The following PPP1R16B variants were observed in gnomAD, a reference collection of about 807,000 sequenced individuals.
The protein encoded by PPP1R16B is protein phosphatase 1 regulatory inhibitor subunit 16B.
PPP1R16B carries 14 observed loss-of-function variants against 61.7 expected under a neutral mutation model. The observed-to-expected ratio is 0.23, with a 90% CI of 0.15 to 0.35. The LOEUF is 0.35. PPP1R16B is among the 10% of genes least tolerant of loss of function. The pLI is 1.00. For synonymous variants in PPP1R16B, 266 were observed against 305.3 expected (o/e 0.87, Z 1.34); for missense variants, 547 against 752.5 (o/e 0.73, Z 3.19).
intron 1 of PPP1R16B, among the ~76,000 whole-genome samples, chr20:38,831,701 T>G (rs1601241951): frequency 6.6e-6 from 1 of 152,172 alleles, no homozygotes; most frequent in East Asian, 1.9e-4. Context: ...TACCAAGATG[T>G]TCTAAGAAAA....
rs747088066 is a variant in PPP1R16B at position 38,902,744 on chromosome 20, C to T, written c.648C>T (p.Ile216=). 6.4e-5 allele frequency: 104 copies of T among 1,614,114 alleles called. No individual in the cohort carries two copies. Among genetic ancestry groups the T allele is most frequent in the Admixed American group, 1.0e-4 (6 of 60,008 alleles). Residue 216 remains isoleucine, a synonymous_variant, in exon 6 of 11, where the codon ATC becomes ATT. Transcript: ENST00000299824. ...QQMIADIHCM[I]AAGQDLDWID... is the part of the protein sequence containing the mutation. ...TGATTGCGGACATCCACTGCATGATCGCAGCGGGCCAGGACCTGGACTGGA... is the reference window on the plus strand; with the variant it reads ...TGATTGCGGACATCCACTGCATGATTGCAGCGGGCCAGGACCTGGACTGGA...
chr20:38,918,123 AG>A lies in PPP1R16B; in HGVS notation c.1195-33del. 6.2e-7 allele frequency: 1 copy of A among 1,606,248 alleles called. No individual in the cohort carries two copies. The highest frequency in any genetic ancestry group is 8.5e-7 in the Non-Finnish European group (1 of 1,174,194). On this transcript the variant is annotated intron_variant, in intron 10 of 10. Transcript: ENST00000299824. This position sits in a 1 kb window ranked among gnomAD's most constrained non-coding sequence, Gnocchi z 5.3. Reference sequence around the variant, plus strand: ...GGTGGATAGTAGGTTCAGATCTTCCAGCCAGCTGGTAATGTTGTCCTTCTCA... The same window carrying A: ...GGTGGATAGTAGGTTCAGATCTTCCACCAGCTGGTAATGTTGTCCTTCTCA...
chr20:38,808,454 C>T (rs548542540), intron 1 of PPP1R16B, among the ~76,000 whole-genome samples: 10 of 152,272 alleles, frequency 6.6e-5, no homozygotes, highest in African/African-American at 2.4e-4. Context: ...TGGCACTCTT[C>T]CAGCAGAGAC....
intron 4 of PPP1R16B, among the ~76,000 whole-genome samples, chr20:38,897,428 C>T (rs2085358548): frequency 6.6e-6 from 1 of 152,192 alleles, no homozygotes; most frequent in South Asian, 2.1e-4. Context: ...TAGTATGTGT[C>T]AGAGTTTCCT....
chr20:38,885,035 T>TAA (rs1312460653), intron 2 of PPP1R16B, among the ~76,000 whole-genome samples: 1 of 25,808 alleles, frequency 3.9e-5, no homozygotes, highest in African/African-American at 1.8e-4. Flanking sequence ...AAACTCTGTC[T>TAA]CAAAAAAAAA....
At chr20:38,899,041 A>C (rs1377739892) in intron 4 of PPP1R16B, among the ~76,000 whole-genome samples, 2 of 152,186 alleles carry the variant, frequency 1.3e-5, no homozygotes, top group African/African-American at 4.8e-5. Flanking sequence ...ATCTGAGGGC[A>C]AGGAGTCAGA....
intron 1 of PPP1R16B, among the ~76,000 whole-genome samples, chr20:38,815,754 A>T (rs1462205503): frequency 6.6e-6 from 1 of 152,206 alleles, no homozygotes; most frequent in Non-Finnish European, 1.5e-5. Flanking sequence ...GACCCTTTGG[A>T]TTATGCCTAC....
intron 2 of PPP1R16B, among the ~76,000 whole-genome samples, chr20:38,875,866 G>A (rs1158105298): frequency 6.6e-6 from 1 of 151,892 alleles, no homozygotes; most frequent in Non-Finnish European, 1.5e-5. Context: ...TCCCTTCCTG[G>A]CCACGATCCC....
At chr20:38,864,758 G>A (rs193001341) in intron 2 of PPP1R16B, among the ~76,000 whole-genome samples, 11 of 152,332 alleles carry the variant, frequency 7.2e-5, no homozygotes, top group African/African-American at 1.4e-4. Context: ...TGCACAGGGT[G>A]TAGGGCCTAG....
At chr20:38,834,139 G>A (rs1485833798) in intron 1 of PPP1R16B, among the ~76,000 whole-genome samples, 1 of 152,140 alleles carries the variant, frequency 6.6e-6, no homozygotes, top group Non-Finnish European at 1.5e-5. Context: ...TCATTGTTTA[G>A]TGTCTTAATG....
intron 1 of PPP1R16B, among the ~76,000 whole-genome samples, chr20:38,823,714 G>A (rs2084786994): frequency 1.3e-5 from 2 of 152,088 alleles, no homozygotes; most frequent in African/African-American, 4.8e-5. Context: ...ATAGGGGGTT[G>A]AGCCTATAGG....
chr20:38,809,671 G>A (rs749849091), intron 1 of PPP1R16B, among the ~76,000 whole-genome samples: 3 of 152,106 alleles, frequency 2.0e-5, no homozygotes, highest in Non-Finnish European at 4.4e-5. Flanking sequence ...AGAGAAGTGA[G>A]ACACTGTGGA....
intron 1 of PPP1R16B, among the ~76,000 whole-genome samples, chr20:38,814,521 C>T (rs2084722814): frequency 6.6e-6 from 1 of 152,082 alleles, no homozygotes; most frequent in Non-Finnish European, 1.5e-5. Flanking sequence ...TATGATTAGG[C>T]ATTTAGCCTC....
intron 1 of PPP1R16B, among the ~76,000 whole-genome samples, chr20:38,826,544 C>T (rs576792434): frequency 5.4e-4 from 82 of 152,334 alleles, no homozygotes; most frequent in Middle Eastern, 3.4e-3. Context: ...TGAGCTGTGG[C>T]CTCCTTTGAA....
At chr20:38,861,673 C>CTTTTTTT (rs869187206) in intron 2 of PPP1R16B, among the ~76,000 whole-genome samples, 1 of 125,624 alleles carries the variant, frequency 8.0e-6, no homozygotes, top group Non-Finnish European at 1.7e-5. Context: ...TGCAGTTCTT[C>CTTTTTTT]TTTTTTTTTT....
intron 2 of PPP1R16B, 87 bp from the exon 3 acceptor site, chr20:38,889,508 G>A: frequency 3.4e-6 from 4 of 1,167,036 alleles, no homozygotes; most frequent in Non-Finnish European, 1.3e-6. Flanking sequence ...TCATAGGCCT[G>A]GGGGAGAGCG....
intron 2 of PPP1R16B, among the ~76,000 whole-genome samples, chr20:38,862,151 T>TG: frequency 6.6e-6 from 1 of 152,220 alleles, no homozygotes; most frequent in Non-Finnish European, 1.5e-5. Flanking sequence ...GGGCAGGGCA[T>TG]GCTGGGCTGT....
At position 38,806,961 on chromosome 20, in the gene PPP1R16B, G is replaced by A. The variant is rs1246973905; in HGVS notation, c.-102+1169G>A. Reference sequence around the variant, plus strand: ...GAGCTGCCTGCGCGCCCATGTGATTGCATTTCACATAAAGGGCCCCTGTTT... The same window carrying A: ...GAGCTGCCTGCGCGCCCATGTGATTACATTTCACATAAAGGGCCCCTGTTT... On this transcript the variant is annotated intron_variant, in intron 1 of 10. Coordinates refer to ENST00000299824, the MANE Select transcript of PPP1R16B (RefSeq NM_015568.4). This position sits in a 1 kb window ranked among gnomAD's most constrained non-coding sequence, Gnocchi z 4.5. Among the ~76,000 whole-genome samples the A allele has an allele frequency of 2.0e-5, 3 of 152,180 alleles. No individual in the cohort carries two copies. The highest frequency in any genetic ancestry group is 4.4e-5 in the Non-Finnish European group (3 of 68,036).
chr20:38,898,467 G>A (rs576060788), intron 4 of PPP1R16B, among the ~76,000 whole-genome samples: 1 of 152,220 alleles, frequency 6.6e-6, no homozygotes, highest in South Asian at 2.1e-4. Flanking sequence ...GGCTATTCAG[G>A]TTCCTTGAGA....
Sources: gnomAD v4.1 joint callset for allele counts (sites outside exome capture counted in the v4.1 genomes callset) on GRCh38, gnomAD v4.1.1 for gene constraint, Gnocchi (gnomAD v3.1) non-coding constraint, MANE v1.5 for transcripts, NCBI Gene and HGNC (gene_info 2026-07-23, HGNC 2026-07-21) for gene names.